DGAT1: variants seen among roughly 807,000 people sequenced by gnomAD.
The protein encoded by DGAT1 is diacylglycerol O-acyltransferase 1.
In DGAT1, 60 loss-of-function variants were observed where a neutral mutation model predicts 72.6. The ratio of observed to expected loss-of-function variants is 0.83; its 90% CI spans 0.67 to 1.02. DGAT1 has a LOEUF of 1.02. Among genes scored for constraint, DGAT1 ranks in the 50% least tolerant of loss-of-function variants. The probability of loss-of-function intolerance (pLI) is 0.00; values close to 1 mark genes in which losing one functional copy is unlikely to be tolerated. For synonymous variants in DGAT1, 290 were observed against 267.5 expected (o/e 1.08, Z -0.82); for missense variants, 592 against 670.0 (o/e 0.88, Z 1.29).
chr8:144,325,206 C>G (rs1329605920), intron 1 of DGAT1, among the ~76,000 whole-genome samples: 1 of 152,140 alleles, frequency 6.6e-6, no homozygotes, highest in Non-Finnish European at 1.5e-5. Context: ...GCCAGCCTCC[C>G]TCACCAGCAC....
chr8:144,315,074 C>A lies in DGAT1; in HGVS notation c.*1480G>T, dbSNP rs566543594. 96 of 985,406 alleles carry A rather than the reference C, an allele frequency of 9.7e-5. No individual in the cohort carries two copies. The African/African-American group carries it at 1.5e-3, about 15-fold the overall frequency. The allele number at this position is 985,406 out of a possible 1,614,324, so 61.0% of individuals were successfully genotyped here. On this transcript the variant is annotated 3_prime_UTR_variant, in exon 17 of 17. Coordinates refer to ENST00000528718, the MANE Select transcript of DGAT1 (RefSeq NM_012079.6). ...AGGCACGGGGAACGGGAGCCTGTCC[C>A]GTAGCTTTAGGGTTCTCCACTCAGC...
chr8:144,326,547 CT>C lies in DGAT1; in HGVS notation c.89del (p.Glu30GlyfsTer37), dbSNP rs1442888533. The C allele has an allele frequency of 7.9e-7, 1 of 1,267,898 alleles. No individual in the cohort carries two copies. Among genetic ancestry groups the C allele is most frequent in the African/African-American group, 1.6e-5 (1 of 64,294 alleles). 78.5% of individuals were successfully genotyped at this position (1,267,898 alleles called of 1,614,324 possible). ...CGGGGCCCGCAGCGGCGTCCCGCACCTCCTCTTCCGCCGCCGCAGGCCCGCC... is the reference window on the plus strand; with the variant it reads ...CGGGGCCCGCAGCGGCGTCCCGCACCCCTCTTCCGCCGCCGCAGGCCCGCC... The part of the protein sequence containing the change: ...GGGGPAAAEE[E>X]VRDAAAGPDV... On this transcript the variant is annotated frameshift_variant, in exon 1 of 17. Transcript: ENST00000528718. LOFTEE classifies it high-confidence loss of function.
At position 144,319,132 on chromosome 8, in the gene DGAT1, T is replaced by C; in HGVS notation, c.289-64A>G. The C allele has an allele frequency of 2.6e-6, 4 of 1,530,730 alleles. No individual in the cohort carries two copies. In the South Asian group the frequency reaches 4.8e-5, roughly 18 times the overall value. The allele number at this position is 1,530,730 out of a possible 1,614,324, so 94.8% of individuals were successfully genotyped here. ...CTGGCCACAGGGTACTCACCCCAGATCCTCCCAACACCTCTGGGCACGTCC... is the reference window on the plus strand; with the variant it reads ...CTGGCCACAGGGTACTCACCCCAGACCCTCCCAACACCTCTGGGCACGTCC... On this transcript the variant is annotated intron_variant, in intron 2 of 16. Transcript: ENST00000528718.
At chr8:144,324,993 G>A (rs1817559260) in intron 1 of DGAT1, among the ~76,000 whole-genome samples, 1 of 152,104 alleles carries the variant, frequency 6.6e-6, no homozygotes, top group Non-Finnish European at 1.5e-5. Flanking sequence ...GAACCTGGGA[G>A]GCAGAGGTTG....
intron 1 of DGAT1, among the ~76,000 whole-genome samples, 156 bp downstream of exon 1, chr8:144,326,281 T>G (rs1238571940): frequency 1.3e-5 from 2 of 151,832 alleles, no homozygotes; most frequent in East Asian, 3.9e-4. Context: ...CAGGTGACTC[T>G]CCCCAAGCCT....
chr8:144,317,895 C>T lies in DGAT1; in HGVS notation c.855+19G>A. On this transcript the variant is annotated intron_variant, in intron 9 of 16. Transcript: ENST00000528718. ...AGGCCCCCTAGCCTCCAGTGGCTGC[C>T]CCCAGCCCCCAACCTCACCATCTCA... 6.5e-7 allele frequency: 1 copy of T among 1,539,112 alleles called. No individual in the cohort carries two copies. Among genetic ancestry groups the T allele is most frequent in the Non-Finnish European group, 8.7e-7 (1 of 1,143,542 alleles).
intron 12 of DGAT1, 39 bp downstream of exon 12, chr8:144,317,505 C>T (rs368660645): frequency 2.5e-6 from 4 of 1,613,774 alleles, no homozygotes; most frequent in Non-Finnish European, 3.4e-6. Context: ...TGCCACTGTC[C>T]CCTCCTGTCC....
In DGAT1 at chr8:144,316,194, A is replaced by G; in HGVS notation, c.*360T>C. ...TGCAGTGGAGCTGCTGCTCCCCGGC[A>G]GGTCCTGGGACAGCTGTCCACACAG... On this transcript the variant is annotated 3_prime_UTR_variant, in exon 17 of 17. Transcript: ENST00000528718. 1 of 222,374 alleles carries G rather than the reference A, an allele frequency of 4.5e-6. No homozygotes were observed. The highest frequency in any genetic ancestry group is 8.9e-6 in the Non-Finnish European group (1 of 112,330). 13.8% of individuals were successfully genotyped at this position (222,374 alleles called of 1,614,324 possible).
Position 144,315,707 on chromosome 8 carries a change from G to C in DGAT1, c.*847C>G. 1 of 936,790 alleles carries C rather than the reference G, an allele frequency of 1.1e-6. No homozygotes were observed. Among genetic ancestry groups the C allele is most frequent in the Non-Finnish European group, 1.3e-6 (1 of 785,484 alleles). The allele number at this position is 936,790 out of a possible 1,614,324, so 58.0% of individuals were successfully genotyped here. ...TGCCCAGCCTGGTGCCAGAAGAGCA[G>C]AGGGCAAGGCAGGCCTGGGGATCAG... On this transcript the variant is annotated 3_prime_UTR_variant, in exon 17 of 17. Transcript: ENST00000528718.
At chr8:144,325,184 G>A (rs894674516) in intron 1 of DGAT1, among the ~76,000 whole-genome samples, 14 of 152,070 alleles carry the variant, frequency 9.2e-5, no homozygotes, top group African/African-American at 1.4e-4. Flanking sequence ...TTTTCAGGTA[G>A]GAGGTGCCTA....
At chr8:144,320,677 C>G (rs1817425923) in intron 2 of DGAT1, among the ~76,000 whole-genome samples, 1 of 152,074 alleles carries the variant, frequency 6.6e-6, no homozygotes, top group Admixed American at 6.5e-5. Context: ...AGCCCCACCC[C>G]ACGAAGTGCC....
intron 8 of DGAT1, 28 bp downstream of exon 8, chr8:144,318,067 C>G (rs191371257): frequency 1.9e-5 from 29 of 1,520,530 alleles, no homozygotes; most frequent in Non-Finnish European, 2.3e-5. Flanking sequence ...GCCTGTCCCC[C>G]GCACCTCAGG....
intron 1 of DGAT1, among the ~76,000 whole-genome samples, chr8:144,321,835 G>A (rs1817468936): frequency 6.6e-6 from 1 of 152,264 alleles, no homozygotes. Context: ...CAAGTGGTGA[G>A]GGTTGAGTCC....
intron 2 of DGAT1, 148 bp downstream of exon 2, chr8:144,321,173 T>C (rs1030810202): frequency 4.1e-5 from 30 of 734,448 alleles, no homozygotes; most frequent in Non-Finnish European, 6.4e-5. Context: ...GGCAGCCACA[T>C]GGAGGTGCAG....
chr8:144,315,055 G>C lies in DGAT1; in HGVS notation c.*1499C>G. ...CAGAGCCAGCACCCTGTGTAGGCACGGGGAACGGGAGCCTGTCCCGTAGCT... is the reference window on the plus strand; with the variant it reads ...CAGAGCCAGCACCCTGTGTAGGCACCGGGAACGGGAGCCTGTCCCGTAGCT... On this transcript the variant is annotated 3_prime_UTR_variant, in exon 17 of 17. Coordinates refer to ENST00000528718, the MANE Select transcript of DGAT1 (RefSeq NM_012079.6). 1.0e-6 allele frequency: 1 copy of C among 985,442 alleles called. No individual in the cohort carries two copies. Among genetic ancestry groups the C allele is most frequent in the African/African-American group, 1.7e-5 (1 of 57,304 alleles). The allele number at this position is 985,442 out of a possible 1,614,324, so 61.0% of individuals were successfully genotyped here. A position where few individuals can be genotyped will look rare whatever the true frequency, so the allele number is the denominator to read the frequency against.
rs782458128 is a variant in DGAT1 at position 144,318,252 on chromosome 8, G to T, written c.676+9C>A. The T allele has an allele frequency of 1.2e-6, 2 of 1,612,170 alleles. No homozygotes were observed. Among genetic ancestry groups the T allele is most frequent in the Non-Finnish European group, 1.7e-6 (2 of 1,179,626 alleles). ...CAGCAGGCAGCCCCAGCCCCTGGCA[G>T]CCCCTCACCAGCCTTGGCCCTGGCC... On this transcript the variant is annotated intron_variant, in intron 7 of 16. Coordinates refer to ENST00000528718, the MANE Select transcript of DGAT1 (RefSeq NM_012079.6).
At chr8:144,322,631 A>G (rs1386340234) in intron 1 of DGAT1, among the ~76,000 whole-genome samples, 4 of 150,988 alleles carry the variant, frequency 2.6e-5, no homozygotes, top group Non-Finnish European at 5.9e-5. Flanking sequence ...GGTGCAACAC[A>G]TGCCCCATCT....
At chr8:144,321,276 C>A in intron 2 of DGAT1, 45 bp downstream of exon 2, 1 of 1,571,432 alleles carries the variant, frequency 6.4e-7, no homozygotes, top group Non-Finnish European at 8.8e-7. Context: ...TGGGACAGAG[C>A]CCCACCTGGA....
chr8:144,315,630 C>A lies in DGAT1; in HGVS notation c.*924G>T, dbSNP rs1208378212. 7.1e-6 allele frequency: 7 copies of A among 984,248 alleles called. No individual in the cohort carries two copies. The highest frequency in any genetic ancestry group is 4.7e-5 in the South Asian group (1 of 21,280). 61.0% of individuals were successfully genotyped at this position (984,248 alleles called of 1,614,324 possible). On this transcript the variant is annotated 3_prime_UTR_variant, in exon 17 of 17. Coordinates refer to ENST00000528718, the MANE Select transcript of DGAT1 (RefSeq NM_012079.6). ...CCCATCTATCCAGCTTGGTGGATTG[C>A]AGGGCCTGGGAACAAGGTGTCCTGA...
Sources: gnomAD v4.1 joint callset for allele counts (sites outside exome capture counted in the v4.1 genomes callset) on GRCh38, gnomAD v4.1.1 for gene constraint, MANE v1.5 for transcripts, NCBI Gene and HGNC (gene_info 2026-07-23, HGNC 2026-07-21) for gene names.